Variants in LAMA2 observed in about 807,000 individuals in gnomAD.
LAMA2 encodes the protein laminin subunit alpha 2.
Under a neutral mutation model 364.8 loss-of-function variants are expected in LAMA2, and 269 were observed. The observed-to-expected ratio is 0.74, with a 90% CI of 0.67 to 0.82. LAMA2 has a LOEUF of 0.82. LAMA2 is among the 40% of genes least tolerant of loss of function. The pLI is 0.00. For synonymous variants in LAMA2, 1,379 were observed against 1,370.6 expected (o/e 1.01, Z -0.14); for missense variants, 3,807 against 3,873.2 (o/e 0.98, Z 0.45).
intron 4 of LAMA2, among the ~76,000 whole-genome samples, chr6:129,099,125 G>GTTTTTTTTTTTTTTTTTTTTTTTTGT: frequency 7.7e-6 from 1 of 129,802 alleles, no homozygotes; most frequent in Non-Finnish European, 1.6e-5. Context: ...TTTTTTTTTT[G>GTTTTTTTTTTTTTTTTTTTTTTTTGT]TTTTTTTTTT....
intron 9 of LAMA2, among the ~76,000 whole-genome samples, chr6:129,172,508 C>T (rs1483207062): frequency 6.6e-6 from 1 of 152,192 alleles, no homozygotes; most frequent in African/African-American, 2.4e-5. Flanking sequence ...GTCAGGGACC[C>T]ACTTGAGGAG....
chr6:129,343,344 A>T (rs940402839), intron 30 of LAMA2, among the ~76,000 whole-genome samples: 14 of 152,136 alleles, frequency 9.2e-5, no homozygotes, highest in Non-Finnish European at 1.6e-4. Flanking sequence ...TTTCTTCTTA[A>T]TCTTCGGCTT....
At chr6:128,941,489 T>G (rs1216028209) in intron 1 of LAMA2, among the ~76,000 whole-genome samples, 1 of 152,216 alleles carries the variant, frequency 6.6e-6, no homozygotes, top group Admixed American at 6.5e-5. Flanking sequence ...AATCATGATT[T>G]TAGTGAGTAT....
rs766197313 is a variant in LAMA2, at chr6:129,473,270, T to C, written c.7357T>C (p.Ser2453Pro). The C allele has an allele frequency of 6.2e-7, 1 of 1,610,594 alleles. No homozygotes were observed. The highest frequency in any genetic ancestry group is 2.2e-5 in the East Asian group (1 of 44,728). The change falls in exon 52 of 65, where the codon TCT becomes CCT. Residue 2453 changes from serine (S) to proline (P), a missense_variant. Around this residue, in one of 3 missense-constraint regions of LAMA2, gnomAD observed 3,333 missense variants for 3,345.7 expected, o/e 1.00. Coordinates refer to ENST00000421865, the MANE Select transcript of LAMA2 (RefSeq NM_000426.4). ...TNQEENIATS[S>P]SGNNFGLDLK... The stretch of plus-strand genomic sequence containing the variant: ...TCAGGAGGAGAATATAGCAACTTCG[T>C]CTTCTGGAAACAACTTTGGTCTTGA...
In LAMA2 at chr6:129,481,301, G is replaced by A. The variant is rs1784333845; in HGVS notation, c.7611G>A (p.Val2537=). The A allele has an allele frequency of 6.2e-7, 1 of 1,613,612 alleles. No individual in the cohort carries two copies. The highest frequency in any genetic ancestry group is 1.3e-5 in the African/African-American group (1 of 74,826). The change falls in exon 55 of 65, where the codon GTG becomes GTA. Residue 2537 remains valine (V), a synonymous_variant. Transcript: ENST00000421865. ...TTAGCTTTCCTAAGCCTGGTTTTGT[G>A]GAGCTCTCCCCTGTGCCAATTGATG... is the stretch of plus-strand genomic sequence containing the variant. ...YTVSFPKPGF[V]ELSPVPIDVG...
intron 3 of LAMA2, among the ~76,000 whole-genome samples, chr6:129,094,913 C>T (rs747063854): frequency 5.9e-5 from 9 of 152,126 alleles, no homozygotes; most frequent in Admixed American, 1.3e-4. Flanking sequence ...ACTCCAGGAA[C>T]GTATGCCTTA....
intron 12 of LAMA2, among the ~76,000 whole-genome samples, chr6:129,212,791 A>G (rs1783184851): frequency 6.6e-6 from 1 of 152,250 alleles, no homozygotes; most frequent in African/African-American, 2.4e-5. Flanking sequence ...ATAAACAGAT[A>G]CAATAATATT....
intron 20 of LAMA2, 58 bp from the exon 21 acceptor site, chr6:129,297,627 T>G (rs1773271165): frequency 6.6e-7 from 1 of 1,517,180 alleles, no homozygotes; most frequent in African/African-American, 1.4e-5. Flanking sequence ...TTGTGCATCT[T>G]GCTTCACTTC....
chr6:129,308,837 C>T (rs1226057468), intron 22 of LAMA2, among the ~76,000 whole-genome samples: 1 of 152,168 alleles, frequency 6.6e-6, no homozygotes, highest in African/African-American at 2.4e-5. Flanking sequence ...GGACAGACTT[C>T]CACATGGCAG....
At chr6:129,036,373 C>A (rs1404712434) in intron 1 of LAMA2, among the ~76,000 whole-genome samples, 1 of 152,064 alleles carries the variant, frequency 6.6e-6, no homozygotes, top group East Asian at 1.9e-4. Context: ...CTTAGCTGGA[C>A]CAAGTGGATA....
chr6:129,487,366 A>G (rs1415521201), intron 56 of LAMA2, among the ~76,000 whole-genome samples: 1 of 152,214 alleles, frequency 6.6e-6, no homozygotes, highest in Non-Finnish European at 1.5e-5. Flanking sequence ...AAAATATTGT[A>G]TGACAACTCA....
intron 1 of LAMA2, among the ~76,000 whole-genome samples, chr6:129,038,775 AGG>A (rs1441528280): frequency 6.6e-6 from 1 of 152,230 alleles, no homozygotes; most frequent in South Asian, 2.1e-4. Context: ...GGCAGGAGGT[AGG>A]ACACTGCATA....
intron 41 of LAMA2, among the ~76,000 whole-genome samples, chr6:129,430,776 G>C (rs1035481013): frequency 6.6e-6 from 1 of 152,170 alleles, no homozygotes; most frequent in African/African-American, 2.4e-5. Context: ...CCAGGAGGCA[G>C]AGGTTGCAGT....
At chr6:129,098,990 GTTC>G (rs369608756) in intron 4 of LAMA2, among the ~76,000 whole-genome samples, 216 of 152,066 alleles carry the variant, frequency 1.4e-3, no homozygotes, top group African/African-American at 5.0e-3. Context: ...GTTCAAATAT[GTTC>G]TTCTCCAGTG....
chr6:128,948,684 G>C (rs769458110), intron 1 of LAMA2, among the ~76,000 whole-genome samples: 1 of 152,294 alleles, frequency 6.6e-6, no homozygotes, highest in South Asian at 2.1e-4. Context: ...GATCCCTCAT[G>C]AATGGTGTAG....
At chr6:129,494,556 T>C (rs1208479838) in intron 58 of LAMA2, among the ~76,000 whole-genome samples, 2 of 152,240 alleles carry the variant, frequency 1.3e-5, no homozygotes, top group Non-Finnish European at 2.9e-5. Flanking sequence ...GCATTTCATA[T>C]CTGTTATTTC....
intron 12 of LAMA2, among the ~76,000 whole-genome samples, chr6:129,235,372 G>A (rs990541): frequency 0.19 from 28,507 of 152,038 alleles, 3,091 homozygotes; most frequent in East Asian, 0.43. Flanking sequence ...CACTTATTCT[G>A]CATGGTCAGC....
intron 3 of LAMA2, among the ~76,000 whole-genome samples, chr6:129,080,623 C>A (rs1002561973): frequency 1.3e-5 from 2 of 152,104 alleles, no homozygotes; most frequent in Non-Finnish European, 2.9e-5. Context: ...ATTTATGCAG[C>A]CAACAGACAC....
At chr6:129,140,671 G>A (rs1004764856) in intron 4 of LAMA2, among the ~76,000 whole-genome samples, 1 of 151,876 alleles carries the variant, frequency 6.6e-6, no homozygotes, top group African/African-American at 2.4e-5. Flanking sequence ...CAGTGGACTT[G>A]GAATTACACT....
Sources: allele counts gnomAD v4.1 joint callset (sites outside exome capture counted in the v4.1 genomes callset), GRCh38; gene constraint gnomAD v4.1.1; regional missense constraint gnomAD v4.1.1; transcripts MANE v1.5; gene names NCBI Gene and HGNC (gene_info 2026-07-23, HGNC 2026-07-21).